FYCO1: variants seen among roughly 807,000 people sequenced by gnomAD.
FYCO1 encodes FYVE and coiled-coil domain autophagy adaptor 1, also known as FYVE and coiled-coil domain-containing protein 1.
Under a neutral mutation model 165.1 loss-of-function variants are expected in FYCO1, and 122 were observed. The observed-to-expected ratio is 0.74, with a 90% CI of 0.64 to 0.86. The LOEUF (loss-of-function observed/expected upper bound fraction) is 0.86, where lower values mean the gene tolerates loss of function less well. Among genes scored for constraint, FYCO1 ranks in the 40% least tolerant of loss-of-function variants. FYCO1 has a pLI of 0.00. For synonymous variants in FYCO1, 648 were observed against 742.5 expected, an observed-to-expected ratio of 0.87 and a Z score of 2.07; for missense variants, 1,702 against 1,810.3, an observed-to-expected ratio of 0.94 and a Z score of 1.09.
intron 14 of FYCO1, among the ~76,000 whole-genome samples, chr3:45,948,666 G>A (rs1291311505): frequency 6.6e-6 from 1 of 152,114 alleles, no homozygotes; most frequent in Non-Finnish European, 1.5e-5. Context: ...TGTTTTTTGG[G>A]CTTATGTATC....
chr3:45,963,451 A>G (rs9811093), intron 10 of FYCO1, among the ~76,000 whole-genome samples: 5,260 of 152,288 alleles, frequency 0.035, 315 homozygotes, highest in African/African-American at 0.12. Context: ...GTAAGATGAA[A>G]AATGTATGTC....
At position 45,958,565 on chromosome 3, in the gene FYCO1, C is replaced by A; in HGVS notation, c.3642G>T (p.Lys1214Asn). The A allele has an allele frequency of 6.2e-7, 1 of 1,614,242 alleles. No individual in the cohort carries two copies. The highest frequency in any genetic ancestry group is 2.2e-5 in the East Asian group (1 of 44,876). Residue 1214 changes from lysine (K) to asparagine (N), a missense_variant, in exon 13 of 18, where the codon AAG becomes AAT. By Grantham distance (94) the Lys-to-Asn change is moderately conservative (BLOSUM62 0). Transcript: ENST00000296137. ...AGCAGCGCTCCTTTTTGCCACCGTG[C>A]TTGCTCAGGACGTAGTTGTTGCAGC... is the stretch of plus-strand genomic sequence containing the variant. ...YYCCNNYVLS[K>N]HGGKKERCCR... is the part of the protein sequence containing the mutation.
rs367606849 is a variant in FYCO1 at position 45,947,840 on chromosome 3, T to A, written c.3944+7409A>T. ...GGACTGGGGCTGAAGGTTGAAGAGG[T>A]GAGCACGGCCAACAAAGCTGTTGAT... is the stretch of plus-strand genomic sequence containing the variant. On this transcript the variant is annotated intron_variant, in intron 14 of 17. Coordinates refer to ENST00000296137, the MANE Select transcript of FYCO1 (RefSeq NM_024513.4). 20 of 292,910 alleles carry A rather than the reference T, an allele frequency of 6.8e-5. No homozygotes were observed. In the South Asian group the frequency reaches 1.1e-3, roughly 16 times the overall value. The allele number at this position is 292,910 out of a possible 1,614,324, so 18.1% of individuals were successfully genotyped here. A position where few individuals can be genotyped will look rare whatever the true frequency, so the allele number is the denominator to read the frequency against.
At chr3:45,941,474 A>G (rs1704220218) in intron 14 of FYCO1, among the ~76,000 whole-genome samples, 1 of 152,242 alleles carries the variant, frequency 6.6e-6, no homozygotes, top group African/African-American at 2.4e-5. Flanking sequence ...TTTGTTTCAA[A>G]TAAAAGTAAT....
At position 45,931,161 on chromosome 3, in the gene FYCO1, G is replaced by T. The variant is rs759845569; in HGVS notation, c.4161C>A (p.Thr1387=). The change falls in exon 16 of 18, where the codon ACC becomes ACA. Residue 1387 remains threonine (T), a synonymous_variant. Transcript: ENST00000296137. ...IPITVAEAGL[T]ISWVFSSDPK... The stretch of plus-strand genomic sequence containing the variant: ...GGTCAGAGGAGAAGACCCAGCTGAT[G>T]GTGAGGCCTGCCTCGGCCACAGTGA... The T allele has an allele frequency of 4.5e-5, 73 of 1,613,910 alleles. No homozygotes were observed. Among genetic ancestry groups the T allele is most frequent in the Non-Finnish European group, 4.8e-5 (57 of 1,179,958 alleles).
chr3:45,966,587 G>T lies in FYCO1; in HGVS notation c.2747C>A (p.Thr916Asn), dbSNP rs745561397. Residue 916 changes from threonine to asparagine, a missense_variant, in exon 8 of 18, where the codon ACC becomes AAC. Transcript: ENST00000296137. ...AELGIQVCAL[T>N]VEKERVEEAL... Reference sequence around the variant, plus strand: ...CTCCTCCACTCGCTCCTTTTCCACGGTCAGTGCGCAAACCTGGATGCCCAG... The same window carrying T: ...CTCCTCCACTCGCTCCTTTTCCACGTTCAGTGCGCAAACCTGGATGCCCAG... 1.9e-6 allele frequency: 3 copies of T among 1,614,050 alleles called. No homozygotes were observed. The highest frequency in any genetic ancestry group is 2.2e-5 in the South Asian group (2 of 91,094).
In FYCO1 at chr3:45,964,429, T is replaced by G; in HGVS notation, c.3176A>C (p.Lys1059Thr). 1 of 1,614,066 alleles carries G rather than the reference T, an allele frequency of 6.2e-7. No individual in the cohort carries two copies. The highest frequency in any genetic ancestry group is 8.5e-7 in the Non-Finnish European group (1 of 1,179,918). ...AAGATGGTTGCTAGTGCAGCTCAGC[T>G]TCTCTCCCATGTCTGCTTGGGTGGC... ...LKATQADMGEKLSCTSNHLAE... is the reference protein window; with the variant it reads ...LKATQADMGETLSCTSNHLAE... The change falls in exon 10 of 18, where the codon AAG becomes ACG. Residue 1059 changes from lysine (K) to threonine (T), a missense_variant. Transcript: ENST00000296137. This position sits in a 1 kb window ranked among gnomAD's most constrained non-coding sequence, Gnocchi z 4.1.
In FYCO1 at chr3:45,967,016, A is replaced by G. The variant is rs1467833565; in HGVS notation, c.2318T>C (p.Leu773Pro). 1.9e-6 allele frequency: 3 copies of G among 1,613,088 alleles called. No homozygotes were observed. The highest frequency in any genetic ancestry group is 2.5e-6 in the Non-Finnish European group (3 of 1,179,996). The change falls in exon 8 of 18, where the codon CTG (leucine) becomes CCG (proline). Residue 773 changes from leucine (L) to proline (P), a missense_variant. Transcript: ENST00000296137. ...EARELAAQLA[L>P]SQAQLEVHQG... The stretch of plus-strand genomic sequence containing the variant: ...ATGGACTTCCAGCTGCGCCTGAGAC[A>G]GGGCTAGCTGGGCAGCCAGCTCACG...
chr3:45,923,883 T>G (rs1184571714), intron 16 of FYCO1, 118 bp from the exon 17 acceptor site: 4 of 749,962 alleles, frequency 5.3e-6, no homozygotes, highest in African/African-American at 1.7e-5. Context: ...AGGTCACAGA[T>G]GAGCAGAGCC....
Position 45,984,974 on chromosome 3 carries a change from G to A in FYCO1, c.-64C>T, listed in dbSNP as rs1032962361. On this transcript the variant is annotated 5_prime_UTR_variant, in exon 2 of 18. Transcript: ENST00000296137. ...GGTCCAGAGGAAGGCTCAGAATTTC[G>A]GCCCTCGGTGGCTGTCTGCTCAGCA... The A allele has an allele frequency of 5.9e-6, 9 of 1,517,406 alleles. No homozygotes were observed. Among genetic ancestry groups the A allele is most frequent in the Middle Eastern group, 1.7e-4 (1 of 5,916 alleles). 94.0% of individuals were successfully genotyped at this position (1,517,406 alleles called of 1,614,324 possible).
At chr3:45,991,467 T>C (rs2101446) in intron 1 of FYCO1, among the ~76,000 whole-genome samples, 126,551 of 152,132 alleles carry the variant, frequency 0.83, 53,041 homozygotes, top group East Asian at 1. Context: ...CTCCTTCCCT[T>C]CTTCCCCTCT....
chr3:45,950,080 T>C (rs991442876), intron 14 of FYCO1, among the ~76,000 whole-genome samples: 1 of 152,056 alleles, frequency 6.6e-6, no homozygotes, highest in Non-Finnish European at 1.5e-5. Context: ...ACTGAGGTCA[T>C]GTGTGGGGCA....
intron 14 of FYCO1, among the ~76,000 whole-genome samples, chr3:45,952,923 A>T (rs1206574699): frequency 6.6e-6 from 1 of 152,156 alleles, no homozygotes; most frequent in Non-Finnish European, 1.5e-5. Context: ...CCATTGAGCC[A>T]TGGGGGTTGG....
At chr3:45,971,582 G>A (rs912885027) in intron 6 of FYCO1, among the ~76,000 whole-genome samples, 17 of 152,132 alleles carry the variant, frequency 1.1e-4, no homozygotes, top group African/African-American at 4.1e-4. Context: ...GACACAACAG[G>A]TAAGGTATTC....
At chr3:45,984,009 CCAAG>C (rs1371319853) in intron 2 of FYCO1, among the ~76,000 whole-genome samples, 1 of 152,116 alleles carries the variant, frequency 6.6e-6, no homozygotes, top group Non-Finnish European at 1.5e-5. Flanking sequence ...CTTGTGGTGC[CCAAG>C]CAGTTAGAAG....
rs1707653142 is a variant in FYCO1, at chr3:45,993,509, T to A, written c.-113+2213A>T. On this transcript the variant is annotated intron_variant, in intron 1 of 17. Coordinates refer to ENST00000296137, the MANE Select transcript of FYCO1 (RefSeq NM_024513.4). This position sits in a 1 kb window ranked among gnomAD's most constrained non-coding sequence, Gnocchi z 4.4. Reference sequence around the variant, plus strand: ...CTATTGATTTATTTAATTGCTCAGATAGAGGCTCTTATACCAATAAAGACT... The same window carrying A: ...CTATTGATTTATTTAATTGCTCAGAAAGAGGCTCTTATACCAATAAAGACT... Among the ~76,000 whole-genome samples the A allele has an allele frequency of 6.6e-6, 1 of 152,090 alleles. No homozygotes were observed. The highest frequency in any genetic ancestry group is 1.5e-5 in the Non-Finnish European group (1 of 68,038).
At chr3:45,954,146 A>T (rs773730266) in intron 14 of FYCO1, among the ~76,000 whole-genome samples, 1 of 152,230 alleles carries the variant, frequency 6.6e-6, no homozygotes, top group Non-Finnish European at 1.5e-5. Context: ...CATAGGCCGC[A>T]TGCAGCCCAT....
At chr3:45,933,529 G>GT (rs1703736286) in intron 15 of FYCO1, among the ~76,000 whole-genome samples, 2 of 152,128 alleles carry the variant, frequency 1.3e-5, no homozygotes, top group South Asian at 4.2e-4. Context: ...TTGAGGGTAG[G>GT]TTTTTTACCA....
chr3:45,984,884 C>T lies in FYCO1; in HGVS notation c.27G>A (p.Gln9=). Residue 9 remains glutamine (Q), a synonymous_variant, in exon 2 of 18, where the codon CAG becomes CAA. Transcript: ENST00000296137. ...GCAAGTCTCGGATGATTCTCTGGAG[C>T]TGGCTCTCTGCATTGGTGGAGGCCA... is the stretch of plus-strand genomic sequence containing the variant. MASTNAES[Q]LQRIIRDLQD... 6.2e-7 allele frequency: 1 copy of T among 1,614,210 alleles called. No individual in the cohort carries two copies. Among genetic ancestry groups the T allele is most frequent in the Non-Finnish European group, 8.5e-7 (1 of 1,180,036 alleles).
Sources: allele counts gnomAD v4.1 joint callset (sites outside exome capture counted in the v4.1 genomes callset), GRCh38; gene constraint gnomAD v4.1.1; non-coding constraint Gnocchi (gnomAD v3.1); transcripts MANE v1.5; gene names NCBI Gene and HGNC (gene_info 2026-07-23, HGNC 2026-07-21).